The following SPART variants were observed in gnomAD, a reference collection of about 807,000 sequenced individuals.
The protein encoded by SPART is spartin, also known as spastic paraplegia 20 (Troyer syndrome).
A neutral mutation model predicts 58.7 loss-of-function variants in SPART; 35 were observed. The observed-to-expected ratio is 0.60, with a 90% confidence interval of 0.46 to 0.79. SPART has a LOEUF of 0.79. Among genes scored for constraint, SPART ranks in the 30% least tolerant of loss-of-function variants. The pLI, the probability that SPART is intolerant of heterozygous loss-of-function variation, is 0.00. For missense variants in SPART, 730 were observed against 786.1 expected (o/e 0.93, Z 0.85); for synonymous variants, 284 against 280.7 (o/e 1.01, Z -0.12).
At position 36,304,090 on chromosome 13, in the gene SPART, A is replaced by G. The variant is rs1170505261; in HGVS notation, c.*275T>C. 32 of 495,376 alleles carry G rather than the reference A, an allele frequency of 6.5e-5. No homozygotes were observed. The East Asian group carries it at 1.2e-3, about 18-fold the overall frequency. The allele number at this position is 495,376 out of a possible 1,614,324, so 30.7% of individuals were successfully genotyped here. ...TTAACAAGGTTTGAACAACACATGT[A>G]CTATCAGCTTTATTTTACCTGCAAA... On this transcript the variant is annotated 3_prime_UTR_variant, in exon 9 of 9. Coordinates refer to ENST00000438666, the MANE Select transcript of SPART (RefSeq NM_015087.5).
At position 36,302,375 on chromosome 13, in the gene SPART, A is replaced by G. The variant is rs370818684; in HGVS notation, c.*1990T>C. On this transcript the variant is annotated 3_prime_UTR_variant, in exon 9 of 9. Coordinates refer to ENST00000438666, the MANE Select transcript of SPART (RefSeq NM_015087.5). ...TTTTCTGCAAAGGGCCAGAGAGTGA[A>G]TAAGTTAGGCTTGTGGACCATATAC... is the stretch of plus-strand genomic sequence containing the variant. The G allele has an allele frequency of 8.5e-5, 13 of 152,172 alleles. No homozygotes were observed. Among genetic ancestry groups the G allele is most frequent in the Admixed American group, 6.5e-4 (10 of 15,282 alleles). 9.4% of individuals were successfully genotyped at this position (152,172 alleles called of 1,614,324 possible).
At chr13:36,325,990 A>G (rs1375456592) in intron 5 of SPART, 1 of 152,704 alleles carries the variant, frequency 6.5e-6, no homozygotes, top group East Asian at 1.9e-4. Flanking sequence ...GTGCTGGTAC[A>G]TTTGGTCTCT....
intron 1 of SPART, chr13:36,368,159 AT>A: frequency 2.2e-6 from 1 of 457,804 alleles, no homozygotes; most frequent in South Asian, 1.6e-5. Context: ...TCAACAAAAA[AT>A]AAATTCTTTC....
chr13:36,349,391 C>G (rs1300944875), upstream of SPART, among the ~76,000 whole-genome samples: 1 of 152,194 alleles, frequency 6.6e-6, no homozygotes, highest in Non-Finnish European at 1.5e-5. Context: ...GTGCTGACTT[C>G]TAGGAATATT....
chr13:36,369,502 C>T lies in SPART; in HGVS notation c.-3+587G>A, dbSNP rs985656634. 5.3e-5 allele frequency: 8 copies of T among 152,158 alleles called. No homozygotes were observed. In the South Asian group the frequency reaches 6.2e-4, roughly 12 times the overall value. The allele number at this position is 152,158 out of a possible 1,614,324, so 9.4% of individuals were successfully genotyped here. A position where few individuals can be genotyped will look rare whatever the true frequency, so the allele number is the denominator to read the frequency against. ...ATTTATCCCAGCTGCTGACGACTGC[C>T]TGGAATCTGGTTTGGAGCATCTCCA... On this transcript the variant is annotated intron_variant, in intron 1 of 8. Coordinates refer to the SPART transcript ENST00000355182.
intron 5 of SPART, among the ~76,000 whole-genome samples, chr13:36,320,749 T>C (rs1047422604): frequency 3.3e-5 from 5 of 152,138 alleles, no homozygotes; most frequent in African/African-American, 1.2e-4. Context: ...ATAGGTAGAG[T>C]CCTTTCCTAC....
At chr13:36,327,455 C>G (rs1883045031) in intron 4 of SPART, among the ~76,000 whole-genome samples, 1 of 152,090 alleles carries the variant, frequency 6.6e-6, no homozygotes, top group South Asian at 2.1e-4. Context: ...AAATCTAAAG[C>G]TTTTCACTGC....
chr13:36,314,793 ATTC>A (rs1202749044), intron 5 of SPART, among the ~76,000 whole-genome samples: 2 of 152,210 alleles, frequency 1.3e-5, no homozygotes, highest in African/African-American at 4.8e-5. Context: ...GAACCCAGAT[ATTC>A]TTGTTCTTTT....
chr13:36,318,341 T>C (rs1187609900), intron 5 of SPART, among the ~76,000 whole-genome samples: 1 of 152,138 alleles, frequency 6.6e-6, no homozygotes, highest in East Asian at 1.9e-4. Context: ...CCAAATCAGA[T>C]AGCGTTTAGG....
intron 1 of SPART, among the ~76,000 whole-genome samples, chr13:36,353,774 C>T (rs941607598): frequency 2.6e-5 from 4 of 152,166 alleles, no homozygotes; most frequent in African/African-American, 4.8e-5. Context: ...TTTGTGGTTT[C>T]GACAACATTC....
chr13:36,358,127 AAAG>A (rs1169666331), intron 1 of SPART, among the ~76,000 whole-genome samples: 2 of 152,228 alleles, frequency 1.3e-5, no homozygotes, highest in African/African-American at 4.8e-5. Flanking sequence ...ATAGAAAAAA[AAAG>A]AAAAACCTGC....
intron 5 of SPART, among the ~76,000 whole-genome samples, chr13:36,323,982 C>A (rs1240967563): frequency 6.6e-6 from 1 of 152,214 alleles, no homozygotes; most frequent in Non-Finnish European, 1.5e-5. Flanking sequence ...AAAGAGACCT[C>A]TTCCCAGGAT....
chr13:36,328,600 A>G (rs1341807082), intron 4 of SPART, among the ~76,000 whole-genome samples: 2 of 152,218 alleles, frequency 1.3e-5, no homozygotes, highest in Non-Finnish European at 2.9e-5. Context: ...TCCATTAGAC[A>G]GTAAATTCAT....
At position 36,326,654 on chromosome 13, in the gene SPART, T is replaced by C. The variant is rs552906342; in HGVS notation, c.1209A>G (p.Val403=). 6.2e-7 allele frequency: 1 copy of C among 1,613,426 alleles called. No individual in the cohort carries two copies. Among genetic ancestry groups the C allele is most frequent in the Non-Finnish European group, 8.5e-7 (1 of 1,179,844 alleles). ...SSEEVNLSHI[V]PCEPVPEEKP... Reference sequence around the variant, plus strand: ...TTTCTTCTGGAACTGGCTCACATGGTACAATGTGACTCAGGTTAACTTCTT... The same window carrying C: ...TTTCTTCTGGAACTGGCTCACATGGCACAATGTGACTCAGGTTAACTTCTT... The change falls in exon 5 of 9, where the codon GTA becomes GTG. Residue 403 remains valine (V), a synonymous_variant. Coordinates refer to ENST00000438666, the MANE Select transcript of SPART (RefSeq NM_015087.5).
intron 5 of SPART, among the ~76,000 whole-genome samples, chr13:36,317,555 C>T (rs1881861175): frequency 6.6e-6 from 1 of 151,658 alleles, no homozygotes; most frequent in African/African-American, 2.4e-5. Flanking sequence ...GCCCTGACCC[C>T]TTATTTCTGC....
intron 1 of SPART, among the ~76,000 whole-genome samples, chr13:36,365,224 G>T (rs1207556144): frequency 6.6e-6 from 1 of 152,136 alleles, no homozygotes; most frequent in Admixed American, 6.5e-5. Context: ...TAGCTTATAG[G>T]AGCAACAGAT....
At chr13:36,341,059 G>A (rs975481717) in intron 1 of SPART, among the ~76,000 whole-genome samples, 2 of 152,180 alleles carry the variant, frequency 1.3e-5, no homozygotes, top group African/African-American at 4.8e-5. Context: ...TCACTGAGAA[G>A]TTAATGGACA....
rs370712183 is a variant in SPART, at chr13:36,321,900, G to C, written c.1288+4675C>G. On this transcript the variant is annotated intron_variant, in intron 5 of 8. Coordinates refer to ENST00000438666, the MANE Select transcript of SPART (RefSeq NM_015087.5). ...ACCACAAAAGAAGTGTAAATGGCCG[G>C]TCCTTGCCTTAAGTGATGACATTAC... is the stretch of plus-strand genomic sequence containing the variant. Among the ~76,000 whole-genome samples, 538 of 152,080 alleles carry C rather than the reference G, an allele frequency of 3.5e-3. 9 individuals carry two copies. Among genetic ancestry groups the C allele is most frequent in the East Asian group, 5.4e-3 (28 of 5,162 alleles).
intron 1 of SPART, among the ~76,000 whole-genome samples, chr13:36,339,940 G>A (rs114991935): frequency 0.01 from 1,562 of 152,082 alleles, 20 homozygotes; most frequent in African/African-American, 0.035. Flanking sequence ...ATGCTGGCGC[G>A]TGCCTGTAGT....
Sources: allele counts gnomAD v4.1 joint callset (sites outside exome capture counted in the v4.1 genomes callset), GRCh38; gene constraint gnomAD v4.1.1; transcripts MANE v1.5; gene names NCBI Gene and HGNC (gene_info 2026-07-23, HGNC 2026-07-21).